LYN: variants seen among roughly 807,000 people sequenced by gnomAD.
LYN encodes tyrosine-protein kinase Lyn.
LYN carries 12 observed loss-of-function variants against 65.0 expected under a neutral mutation model. The observed-to-expected ratio is 0.18, with a 90% CI of 0.12 to 0.30. The LOEUF is 0.30. Ranked by LOEUF, LYN falls within the 10% of genes least tolerant of loss-of-function variation. LYN has a pLI of 1.00. For missense variants in LYN, 380 were observed against 623.2 expected (o/e 0.61, Z 4.16); for synonymous variants, 222 against 221.2 (o/e 1.00, Z -0.03).
chr8:55,911,283 ATATTTT>A (rs1298246184), intron 1 of LYN, among the ~76,000 whole-genome samples: 2 of 45,366 alleles, frequency 4.4e-5, no homozygotes, highest in African/African-American at 2.3e-4. Flanking sequence ...ATATATATAT[ATATTTT>A]TTTTTTTTTT....
chr8:55,995,530 G>C (rs958461299), intron 10 of LYN, among the ~76,000 whole-genome samples: 1 of 152,186 alleles, frequency 6.6e-6, no homozygotes, highest in African/African-American at 2.4e-5. Context: ...GCTGGGATGG[G>C]TTCATGTTCC....
In LYN at chr8:56,012,174, C is replaced by T. The variant is rs181129428; in HGVS notation, c.*2064C>T. The T allele has an allele frequency of 2.9e-4, 53 of 185,304 alleles. No individual in the cohort carries two copies. Among genetic ancestry groups the T allele is most frequent in the African/African-American group, 1.3e-3 (53 of 42,162 alleles). The allele number at this position is 185,304 out of a possible 1,614,324, so 11.5% of individuals were successfully genotyped here. A position where few individuals can be genotyped will look rare whatever the true frequency, so the allele number is the denominator to read the frequency against. On this transcript the variant is annotated 3_prime_UTR_variant, in exon 13 of 13. Transcript: ENST00000519728. ...GTGTCCAGCATGTGTGGAAGTCACA[C>T]GTTCCCTTGATGAACAGCACACACA...
intron 8 of LYN, among the ~76,000 whole-genome samples, chr8:55,965,289 T>G (rs1310723644): frequency 6.6e-6 from 1 of 152,056 alleles, no homozygotes; most frequent in Non-Finnish European, 1.5e-5. Flanking sequence ...GGTCAAGAAA[T>G]TGTGGGAAAC....
intron 1 of LYN, among the ~76,000 whole-genome samples, chr8:55,913,578 C>A (rs1805700108): frequency 6.6e-6 from 1 of 152,170 alleles, no homozygotes; most frequent in Non-Finnish European, 1.5e-5. Flanking sequence ...AATAATTACA[C>A]ATAAATTATT....
At chr8:55,950,091 A>G (rs1806898685) in intron 4 of LYN, among the ~76,000 whole-genome samples, 1 of 152,188 alleles carries the variant, frequency 6.6e-6, no homozygotes. Context: ...CTGTTGTAGC[A>G]TCTCTCAGCA....
chr8:55,959,564 G>A (rs925956024), intron 8 of LYN, among the ~76,000 whole-genome samples: 2 of 152,052 alleles, frequency 1.3e-5, no homozygotes, highest in African/African-American at 2.4e-5. Context: ...AATTGCCCAG[G>A]GTTTCCCACT....
chr8:55,956,141 C>T (rs1807104746), intron 8 of LYN, among the ~76,000 whole-genome samples: 1 of 151,614 alleles, frequency 6.6e-6, no homozygotes. Flanking sequence ...TTCTTTTTTC[C>T]TCCTTTGATG....
chr8:55,987,278 T>C (rs1003857395), intron 10 of LYN, among the ~76,000 whole-genome samples: 2 of 151,682 alleles, frequency 1.3e-5, no homozygotes, highest in Non-Finnish European at 1.5e-5. Flanking sequence ...CTGAGTGTGG[T>C]GGCGAGTAGG....
intron 10 of LYN, among the ~76,000 whole-genome samples, chr8:55,972,773 T>G (rs1287710088): frequency 6.6e-6 from 1 of 152,226 alleles, no homozygotes; most frequent in Non-Finnish European, 1.5e-5. Flanking sequence ...CCCAGATACT[T>G]CGATAATCCA....
intron 1 of LYN, among the ~76,000 whole-genome samples, chr8:55,916,209 G>T (rs556161162): frequency 6.6e-6 from 1 of 152,264 alleles, no homozygotes; most frequent in South Asian, 2.1e-4. Context: ...GGTGGTATTT[G>T]ATTGGTTTTA....
intron 10 of LYN, among the ~76,000 whole-genome samples, chr8:55,972,955 A>T (rs1807651085): frequency 6.6e-6 from 1 of 152,200 alleles, no homozygotes; most frequent in Admixed American, 6.5e-5. Flanking sequence ...ATAGCGTCAG[A>T]GTTGGGAAAT....
At chr8:55,953,190 A>G (rs1372273623) in intron 7 of LYN, among the ~76,000 whole-genome samples, 3 of 152,312 alleles carry the variant, frequency 2.0e-5, no homozygotes, top group South Asian at 2.1e-4. Context: ...AGTCCCCACT[A>G]TGGTGCCCTG....
intron 9 of LYN, among the ~76,000 whole-genome samples, chr8:55,967,850 A>T (rs1028069837): frequency 2.0e-5 from 3 of 152,206 alleles, no homozygotes; most frequent in Non-Finnish European, 4.4e-5. Flanking sequence ...AGTTCAGGAA[A>T]CATACTAATA....
intron 1 of LYN, among the ~76,000 whole-genome samples, chr8:55,937,259 A>G (rs1335775376): frequency 6.6e-6 from 1 of 152,228 alleles, no homozygotes; most frequent in Non-Finnish European, 1.5e-5. Flanking sequence ...TCCTGTGGAC[A>G]TTAAATATAT....
chr8:55,900,905 A>T (rs1178817837), intron 1 of LYN, among the ~76,000 whole-genome samples: 5 of 152,180 alleles, frequency 3.3e-5, no homozygotes, highest in Admixed American at 2.6e-4. Flanking sequence ...GACATTGAAA[A>T]GTTATTAAGG....
intron 1 of LYN, among the ~76,000 whole-genome samples, chr8:55,900,773 T>A (rs1805238991): frequency 6.6e-6 from 1 of 152,202 alleles, no homozygotes; most frequent in Non-Finnish European, 1.5e-5. Context: ...AGTATGTATC[T>A]CATACTTTTC....
At chr8:55,881,800 G>A (rs1309927537) in intron 1 of LYN, among the ~76,000 whole-genome samples, 1 of 152,170 alleles carries the variant, frequency 6.6e-6, no homozygotes, top group Non-Finnish European at 1.5e-5. Flanking sequence ...TTGATAGTCT[G>A]TATTAACCAT....
intron 1 of LYN, among the ~76,000 whole-genome samples, chr8:55,936,977 C>T (rs115229674): frequency 0.14 from 22,039 of 152,078 alleles, 1,738 homozygotes; most frequent in Middle Eastern, 0.29. Context: ...CCTTTTCTAC[C>T]CCCCACGTCT....
At chr8:55,883,820 G>A (rs1234349113) in intron 1 of LYN, among the ~76,000 whole-genome samples, 25 of 151,998 alleles carry the variant, frequency 1.6e-4, no homozygotes, top group Admixed American at 1.6e-3. Context: ...ATCTTTTAAG[G>A]CTGATAATGA....
Sources: gnomAD v4.1 joint callset for allele counts (sites outside exome capture counted in the v4.1 genomes callset) on GRCh38, gnomAD v4.1.1 for gene constraint, MANE v1.5 for transcripts, NCBI Gene and HGNC (gene_info 2026-07-23, HGNC 2026-07-21) for gene names.